The following INPP4B variants were observed in gnomAD, a reference collection of about 807,000 sequenced individuals.
INPP4B encodes inositol polyphosphate-4-phosphatase type II B.
Under a neutral mutation model 122.5 loss-of-function variants are expected in INPP4B, and 55 were observed. The observed-to-expected ratio is 0.45, with a 90% confidence interval of 0.36 to 0.56. The LOEUF (loss-of-function observed/expected upper bound fraction) is 0.56. Ranked by LOEUF, INPP4B falls within the 20% of genes least tolerant of loss-of-function variation. The pLI is 0.00. For synonymous variants in INPP4B, 403 were observed against 388.7 expected (o/e 1.04, Z -0.43); for missense variants, 1,000 against 1,097.7 (o/e 0.91, Z 1.26).
intron 2 of INPP4B, among the ~76,000 whole-genome samples, chr4:142,617,344 C>T (rs750090871): frequency 4.6e-5 from 7 of 152,088 alleles, no homozygotes; most frequent in Non-Finnish European, 8.8e-5. Context: ...ACATTCGCTC[C>T]AACTCACACA....
chr4:142,621,149 C>T (rs902670781), intron 2 of INPP4B, among the ~76,000 whole-genome samples: 1 of 151,546 alleles, frequency 6.6e-6, no homozygotes, highest in Admixed American at 6.6e-5. Flanking sequence ...CTGATTATTG[C>T]GTGGTCTGCT....
chr4:142,393,630 A>G (rs1798423416), intron 7 of INPP4B, among the ~76,000 whole-genome samples: 1 of 152,240 alleles, frequency 6.6e-6, no homozygotes, highest in South Asian at 2.1e-4. Flanking sequence ...ACTCTGTCCT[A>G]TATTTGCGTC....
intron 9 of INPP4B, among the ~76,000 whole-genome samples, chr4:142,283,219 A>T (rs1752000081): frequency 6.6e-6 from 1 of 152,108 alleles, no homozygotes; most frequent in African/African-American, 2.4e-5. Context: ...TCCCTCAACA[A>T]TAGGAAGGGT....
At chr4:142,393,366 G>GGA (rs1798346447) in intron 7 of INPP4B, among the ~76,000 whole-genome samples, 2 of 152,188 alleles carry the variant, frequency 1.3e-5, no homozygotes, top group East Asian at 3.9e-4. Flanking sequence ...AAGACTTTAA[G>GGA]GAGACACGTA....
chr4:142,520,599 T>C (rs1825959065), intron 2 of INPP4B, among the ~76,000 whole-genome samples: 2 of 152,058 alleles, frequency 1.3e-5, no homozygotes, highest in South Asian at 2.1e-4. Flanking sequence ...AAGATGTGTA[T>C]AGCATTCAAA....
chr4:142,073,389 C>G (rs1768683136), intron 25 of INPP4B, among the ~76,000 whole-genome samples: 1 of 152,102 alleles, frequency 6.6e-6, no homozygotes, highest in Non-Finnish European at 1.5e-5. Context: ...GGTACTTATT[C>G]ATAAATACAG....
chr4:142,098,806 G>A (rs1333849335), intron 23 of INPP4B, among the ~76,000 whole-genome samples: 1 of 152,076 alleles, frequency 6.6e-6, no homozygotes, highest in Non-Finnish European at 1.5e-5. Flanking sequence ...TTAAGGAAGA[G>A]AGATGGGCTG....
chr4:142,185,704 C>A (rs555097935), intron 15 of INPP4B, among the ~76,000 whole-genome samples: 200 of 151,444 alleles, frequency 1.3e-3, no homozygotes, highest in African/African-American at 4.6e-3. Flanking sequence ...ACGGTGAAAC[C>A]CTGTCTCTAC....
intron 2 of INPP4B, among the ~76,000 whole-genome samples, chr4:142,645,562 T>C (rs763656666): frequency 4.6e-5 from 7 of 152,190 alleles, no homozygotes; most frequent in Non-Finnish European, 7.3e-5. Flanking sequence ...CCACATCCTC[T>C]TCTCCCCTTC....
chr4:142,344,569 T>C (rs1779715694), intron 7 of INPP4B, among the ~76,000 whole-genome samples: 1 of 152,052 alleles, frequency 6.6e-6, no homozygotes, highest in Admixed American at 6.6e-5. Context: ...TTTCCAGCTG[T>C]ACACTTTTCA....
chr4:142,150,876 T>C (rs1813534081), intron 17 of INPP4B, among the ~76,000 whole-genome samples: 1 of 152,186 alleles, frequency 6.6e-6, no homozygotes, highest in Non-Finnish European at 1.5e-5. Flanking sequence ...CCGTAATACT[T>C]AGCTGACCAA....
At chr4:142,727,403 A>AT (rs1186919126) in intron 1 of INPP4B, among the ~76,000 whole-genome samples, 3 of 152,206 alleles carry the variant, frequency 2.0e-5, no homozygotes, top group Admixed American at 1.3e-4. Flanking sequence ...GGCAGACTGA[A>AT]GAAACCACAG....
chr4:142,302,729 G>A (rs1761946429), intron 9 of INPP4B, among the ~76,000 whole-genome samples: 1 of 151,868 alleles, frequency 6.6e-6, no homozygotes. Flanking sequence ...ACTCTACCTT[G>A]TTTACAAGTC....
chr4:142,210,714 T>C (rs9990924), intron 12 of INPP4B, among the ~76,000 whole-genome samples: 1,673 of 152,280 alleles, frequency 0.011, 35 homozygotes, highest in African/African-American at 0.038. Context: ...ACAGTTATAA[T>C]GAAAATATTA....
intron 5 of INPP4B, among the ~76,000 whole-genome samples, chr4:142,416,362 AT>A (rs1805770131): frequency 6.6e-6 from 1 of 152,138 alleles, no homozygotes; most frequent in Non-Finnish European, 1.5e-5. Flanking sequence ...AATCCTGAGC[AT>A]GCTTTCCCAA....
At chr4:142,531,533 C>T (rs963724466) in intron 2 of INPP4B, among the ~76,000 whole-genome samples, 2 of 152,008 alleles carry the variant, frequency 1.3e-5, no homozygotes, top group East Asian at 1.9e-4. Context: ...ACATTTGTGT[C>T]GTCTATGAGA....
intron 15 of INPP4B, among the ~76,000 whole-genome samples, chr4:142,192,774 T>G (rs1281704078): frequency 6.6e-6 from 1 of 152,154 alleles, no homozygotes; most frequent in African/African-American, 2.4e-5. Context: ...GAAGTCAGAC[T>G]GTATTTCTAG....
chr4:142,467,424 G>A (rs2149646652), intron 2 of INPP4B, among the ~76,000 whole-genome samples: 1 of 152,286 alleles, frequency 6.6e-6, no homozygotes, highest in East Asian at 1.9e-4. Context: ...TTTCTGACTT[G>A]TGTGGGGCCT....
intron 2 of INPP4B, among the ~76,000 whole-genome samples, chr4:142,649,485 T>C (rs974749960): frequency 2.0e-5 from 3 of 152,178 alleles, no homozygotes; most frequent in Admixed American, 1.3e-4. Context: ...TAAAAGGTTA[T>C]ATGGAAGGCT....
Sources: gnomAD v4.1 joint callset for allele counts (sites outside exome capture counted in the v4.1 genomes callset) on GRCh38, gnomAD v4.1.1 for gene constraint, MANE v1.5 for transcripts, NCBI Gene and HGNC (gene_info 2026-07-23, HGNC 2026-07-21) for gene names.